The following TAX1BP1 variants were observed in gnomAD, a reference collection of about 807,000 sequenced individuals.
TAX1BP1 encodes the protein Tax1 binding protein 1, also known as tax1-binding protein 1.
Under a neutral mutation model 97.7 loss-of-function variants are expected in TAX1BP1, and 62 were observed. That is an observed-to-expected ratio of 0.63 (90% CI 0.52 to 0.78). The LOEUF (loss-of-function observed/expected upper bound fraction) is 0.78, where lower values mean the gene tolerates loss of function less well. Ranked by LOEUF, TAX1BP1 falls within the 30% of genes least tolerant of loss-of-function variation. The pLI is 0.00. For synonymous variants in TAX1BP1, 340 were observed against 304.2 expected (o/e 1.12, Z -1.23); for missense variants, 867 against 916.1 (o/e 0.95, Z 0.69).
intron 5 of TAX1BP1, 110 bp downstream of exon 5, chr7:27,769,944 T>C: frequency 4.9e-6 from 5 of 1,013,260 alleles, no homozygotes; most frequent in Non-Finnish European, 3.0e-6. Context: ...CTGAGAAAAG[T>C]AGCCTTTTAG....
chr7:27,788,455 C>G (rs946040856), intron 8 of TAX1BP1, among the ~76,000 whole-genome samples: 1 of 151,968 alleles, frequency 6.6e-6, no homozygotes, highest in Non-Finnish European at 1.5e-5. Flanking sequence ...TGCTCCTCAC[C>G]TGCATCAGCT....
intron 12 of TAX1BP1, among the ~76,000 whole-genome samples, chr7:27,797,021 G>T (rs1411760551): frequency 6.7e-6 from 1 of 148,502 alleles, no homozygotes; most frequent in African/African-American, 2.5e-5. Flanking sequence ...TTTTTGATAC[G>T]GAGTCTCACT....
intron 5 of TAX1BP1, among the ~76,000 whole-genome samples, 190 bp downstream of exon 5, chr7:27,770,024 A>T (rs1788786546): frequency 6.6e-6 from 1 of 152,084 alleles, no homozygotes; most frequent in African/African-American, 2.4e-5. Context: ...TGTTTGTAAG[A>T]TGGTTAAAAT....
chr7:27,757,411 C>T (rs1288855890), intron 2 of TAX1BP1, among the ~76,000 whole-genome samples: 2 of 151,914 alleles, frequency 1.3e-5, no homozygotes, highest in African/African-American at 2.4e-5. Context: ...TGGCTGCAGG[C>T]AAGACTTGCC....
At chr7:27,785,571 T>G (rs559498727) in intron 7 of TAX1BP1, 82 bp downstream of exon 7, 21 of 1,151,484 alleles carry the variant, frequency 1.8e-5, no homozygotes, top group Non-Finnish European at 2.4e-5. Flanking sequence ...GTCAGCAATT[T>G]AGGAGCAGCT....
intron 2 of TAX1BP1, among the ~76,000 whole-genome samples, chr7:27,755,853 A>T (rs1044747494): frequency 6.6e-6 from 1 of 152,184 alleles, no homozygotes; most frequent in African/African-American, 2.4e-5. Flanking sequence ...GTATTTTGGC[A>T]GTTTTATATA....
At chr7:27,776,775 C>T (rs899920133) in intron 5 of TAX1BP1, among the ~76,000 whole-genome samples, 14 of 142,538 alleles carry the variant, frequency 9.8e-5, no homozygotes, top group Middle Eastern at 3.6e-3. Context: ...TGTTTTGTTG[C>T]TTAAAGTTGT....
intron 12 of TAX1BP1, among the ~76,000 whole-genome samples, chr7:27,797,221 T>G (rs896158877): frequency 1.3e-5 from 2 of 152,074 alleles, no homozygotes; most frequent in Non-Finnish European, 2.9e-5. Context: ...ATGGTCTCTA[T>G]CTCCTGACCT....
intron 8 of TAX1BP1, 44 bp downstream of exon 8, chr7:27,787,647 C>T (rs1789539245): frequency 4.7e-6 from 7 of 1,480,792 alleles, no homozygotes; most frequent in Non-Finnish European, 5.4e-6. Flanking sequence ...TAAAACATAC[C>T]TATGAAATGT....
At chr7:27,740,903 A>G (rs1246973190) in intron 1 of TAX1BP1, among the ~76,000 whole-genome samples, 2 of 152,220 alleles carry the variant, frequency 1.3e-5, no homozygotes, top group African/African-American at 4.8e-5. Flanking sequence ...CCCCGTTCGC[A>G]AGGTGTGGAC....
rs773815444 is a variant in TAX1BP1 at position 27,757,090 on chromosome 7, C to T, written c.163-941C>T. Among the ~76,000 whole-genome samples, 13 of 152,084 alleles carry T rather than the reference C, an allele frequency of 8.5e-5. No individual in the cohort carries two copies. The East Asian group carries it at 1.7e-3, about 20-fold the overall frequency. ...TTGGAGGCTAAAGGTGACTAAGGTT[C>T]GTCCAGCTTCAGTATTCTGTTGTCT... is the stretch of plus-strand genomic sequence containing the variant. On this transcript the variant is annotated intron_variant, in intron 2 of 16. Transcript: ENST00000396319.
At chr7:27,807,229 A>G (rs1172487769) in intron 13 of TAX1BP1, among the ~76,000 whole-genome samples, 1 of 152,180 alleles carries the variant, frequency 6.6e-6, no homozygotes, top group Non-Finnish European at 1.5e-5. Context: ...CAGTACAAGG[A>G]TGTTCTTTCA....
intron 15 of TAX1BP1, among the ~76,000 whole-genome samples, chr7:27,820,475 C>T (rs2128326015): frequency 6.6e-6 from 1 of 152,216 alleles, no homozygotes; most frequent in African/African-American, 2.4e-5. Flanking sequence ...GAGTTTTTGC[C>T]TTTCTCAAAC....
intron 12 of TAX1BP1, among the ~76,000 whole-genome samples, chr7:27,796,627 C>T (rs977844200): frequency 3.9e-5 from 6 of 152,096 alleles, no homozygotes; most frequent in Admixed American, 2.0e-4. Flanking sequence ...CTTGGGAGGT[C>T]GACGTGGGTG....
In TAX1BP1 at chr7:27,770,245, A is replaced by G. The variant is rs557831249; in HGVS notation, c.612+411A>G. Among the ~76,000 whole-genome samples the G allele has an allele frequency of 7.2e-5, 11 of 152,166 alleles. No homozygotes were observed. In the South Asian group the frequency reaches 2.3e-3, roughly 32 times the overall value. On this transcript the variant is annotated intron_variant, in intron 5 of 16. Coordinates refer to ENST00000396319, the MANE Select transcript of TAX1BP1 (RefSeq NM_006024.7). ...TGAAATAAGATGTAGTATTAGACAA[A>G]ATTTTGAAATTTTTAATGGGTGAAA... is the stretch of plus-strand genomic sequence containing the variant.
chr7:27,809,910 CTT>C (rs112475856), intron 13 of TAX1BP1, among the ~76,000 whole-genome samples: 4 of 143,978 alleles, frequency 2.8e-5, no homozygotes, highest in African/African-American at 2.5e-5. Context: ...TCTTTTGTGC[CTT>C]TTTTTTTTTG....
chr7:27,775,946 C>T lies in TAX1BP1; in HGVS notation c.612+6112C>T, dbSNP rs193090015. 2.6e-5 allele frequency among the ~76,000 whole-genome samples: 4 copies of T among 152,148 alleles called. No homozygotes were observed. The East Asian group carries it at 7.7e-4, about 29-fold the overall frequency. ...TTACACAAGCTAGTTCCAGCTTCTA[C>T]AGTTACACAAGATCAAATCTCTTAG... is the stretch of plus-strand genomic sequence containing the variant. On this transcript the variant is annotated intron_variant, in intron 5 of 16. Transcript: ENST00000396319.
At position 27,787,413 on chromosome 7, in the gene TAX1BP1, T is replaced by G; in HGVS notation, c.853-5T>G. 6.2e-7 allele frequency: 1 copy of G among 1,600,540 alleles called. No individual in the cohort carries two copies. Among genetic ancestry groups the G allele is most frequent in the South Asian group, 1.1e-5 (1 of 88,036 alleles). On this transcript the variant is annotated splice_polypyrimidine_tract_variant and splice_region_variant and intron_variant, in intron 7 of 16. Coordinates refer to ENST00000396319, the MANE Select transcript of TAX1BP1 (RefSeq NM_006024.7). The stretch of plus-strand genomic sequence containing the variant: ...TATTCTTGACATTTTCAAACACCAT[T>G]ACAGGTACATTTGAAGAATACAGAA...
At chr7:27,776,406 A>G (rs1789034720) in intron 5 of TAX1BP1, among the ~76,000 whole-genome samples, 1 of 151,992 alleles carries the variant, frequency 6.6e-6, no homozygotes, top group Non-Finnish European at 1.5e-5. Context: ...TTTAAAAGAG[A>G]TTTTTGTTGT....
Sources: gnomAD v4.1 joint callset for allele counts (sites outside exome capture counted in the v4.1 genomes callset) on GRCh38, gnomAD v4.1.1 for gene constraint, MANE v1.5 for transcripts, NCBI Gene and HGNC (gene_info 2026-07-23, HGNC 2026-07-21) for gene names.